RELN: variants seen among roughly 807,000 people sequenced by gnomAD.
RELN encodes the protein reelin.
RELN carries 108 observed loss-of-function variants against 427.6 expected under a neutral mutation model. The ratio of observed to expected loss-of-function variants is 0.25; its 90% confidence interval spans 0.22 to 0.30. RELN has a LOEUF of 0.30. Among genes scored for constraint, RELN ranks in the 10% least tolerant of loss-of-function variants. The probability of loss-of-function intolerance (pLI) is 1.00; values close to 1 mark genes in which losing one functional copy is unlikely to be tolerated. For missense variants in RELN, 3,715 were observed against 4,302.8 expected (o/e 0.86, Z 3.82); for synonymous variants, 1,524 against 1,513.4 (o/e 1.01, Z -0.16).
At chr7:103,877,977 T>C (rs549933974) in intron 2 of RELN, among the ~76,000 whole-genome samples, 1 of 150,406 alleles carries the variant, frequency 6.6e-6, no homozygotes, top group African/African-American at 2.4e-5. Context: ...TGCCTCAGCC[T>C]CCCAAATGGC....
At chr7:103,690,691 G>T (rs1206184729) in intron 10 of RELN, among the ~76,000 whole-genome samples, 1 of 152,142 alleles carries the variant, frequency 6.6e-6, no homozygotes, top group Non-Finnish European at 1.5e-5. Context: ...TTTGCTGAGT[G>T]CATGAGCTGC....
chr7:103,493,440 C>G (rs899059579), intron 57 of RELN, among the ~76,000 whole-genome samples: 2 of 152,162 alleles, frequency 1.3e-5, no homozygotes, highest in Non-Finnish European at 2.9e-5. Context: ...TAGACACATT[C>G]AGTTGAGGTG....
At chr7:103,853,316 T>C (rs1793868798) in intron 2 of RELN, among the ~76,000 whole-genome samples, 1 of 152,060 alleles carries the variant, frequency 6.6e-6, no homozygotes, top group Non-Finnish European at 1.5e-5. Flanking sequence ...AAAATGTAAA[T>C]TTAATTTTGT....
chr7:103,822,542 C>T (rs1793039852), intron 3 of RELN, among the ~76,000 whole-genome samples: 1 of 152,028 alleles, frequency 6.6e-6, no homozygotes, highest in African/African-American at 2.4e-5. Context: ...AATTCTATAA[C>T]ATAATCTTCT....
chr7:103,789,960 T>A (rs1792117750), intron 3 of RELN, among the ~76,000 whole-genome samples: 1 of 152,094 alleles, frequency 6.6e-6, no homozygotes, highest in African/African-American at 2.4e-5. Flanking sequence ...TTAGACTGGA[T>A]AAAGAAAATG....
At chr7:103,517,263 C>A (rs1477953308) in intron 49 of RELN, among the ~76,000 whole-genome samples, 1 of 119,250 alleles carries the variant, frequency 8.4e-6, no homozygotes, top group Non-Finnish European at 1.6e-5. Context: ...TATCCGAAAT[C>A]TGTCAGTTTC....
rs1462369530 is a variant in RELN at position 103,520,954 on chromosome 7, G to GTTTTTTTTTTTTTTTT, written c.7668+1067_7668+1068insAAAAAAAAAAAAAAAA. On this transcript the variant is annotated intron_variant, in intron 48 of 64. Coordinates refer to ENST00000428762, the MANE Select transcript of RELN (RefSeq NM_005045.4). Reference sequence around the variant, plus strand: ...GAAATAAAGAGCTGGCAGTAAATTTGTTATTTTTTTTTTTTTTTTTTTTTT... The same window carrying GTTTTTTTTTTTTTTTT: ...GAAATAAAGAGCTGGCAGTAAATTTGTTTTTTTTTTTTTTTTTTATTTTTTTTTTTTTTTTTTTTTT... 5.1e-5 allele frequency among the ~76,000 whole-genome samples: 4 copies of GTTTTTTTTTTTTTTTT among 78,204 alleles called. 1 individual carries two copies. The highest frequency in any genetic ancestry group is 4.6e-4 in the South Asian group (1 of 2,174). The allele number at this position is 78,204 out of a possible 152,430, so 51.3% of individuals were successfully genotyped here. A position where few individuals can be genotyped will look rare whatever the true frequency, so the allele number is the denominator to read the frequency against.
At chr7:103,596,311 C>A (rs1831535858) in intron 25 of RELN, 145 bp downstream of exon 25, 2 of 716,772 alleles carry the variant, frequency 2.8e-6, no homozygotes, top group Non-Finnish European at 5.0e-6. Flanking sequence ...GAAATAAAAT[C>A]TTTATATACT....
intron 56 of RELN, among the ~76,000 whole-genome samples, chr7:103,496,199 C>A (rs1477878919): frequency 1.3e-5 from 2 of 152,130 alleles, no homozygotes; most frequent in Non-Finnish European, 2.9e-5. Context: ...GTTCTTGATA[C>A]ACTTTGTCAG....
chr7:103,885,048 T>C lies in RELN; in HGVS notation c.337+32027A>G, dbSNP rs75154255. Among the ~76,000 whole-genome samples, 605 of 152,216 alleles carry C rather than the reference T, an allele frequency of 4.0e-3. 23 individuals are homozygous for C. The East Asian group carries it at 0.073, about 18-fold the overall frequency. ...AACCAACCCAAATGCTCATCAATGA[T>C]AGACTGGATAGGCAGGCATAGTGGC... is the stretch of plus-strand genomic sequence containing the variant. On this transcript the variant is annotated intron_variant, in intron 2 of 64. Coordinates refer to ENST00000428762, the MANE Select transcript of RELN (RefSeq NM_005045.4).
intron 10 of RELN, among the ~76,000 whole-genome samples, chr7:103,684,267 G>A (rs1024202040): frequency 6.6e-6 from 1 of 152,138 alleles, no homozygotes; most frequent in Non-Finnish European, 1.5e-5. Context: ...AGAATTTCAT[G>A]TTAATTCTGT....
chr7:103,897,780 C>T (rs368873251), intron 2 of RELN, among the ~76,000 whole-genome samples: 5 of 151,914 alleles, frequency 3.3e-5, no homozygotes, highest in Admixed American at 6.6e-5. Context: ...ATGTGGCTTA[C>T]GTAACAAAAT....
At position 103,540,201 on chromosome 7, in the gene RELN, T is replaced by C; in HGVS notation, c.6926A>G (p.Asp2309Gly). The change falls in exon 44 of 65, where the codon GAT (aspartate) becomes GGT (glycine). Residue 2309 changes from aspartate (D) to glycine (G), a missense_variant. Asp to Gly is a moderately conservative substitution (Grantham distance 94). Coordinates refer to ENST00000428762, the MANE Select transcript of RELN (RefSeq NM_005045.4). ...GTTAATCCTGAAGGGACTGACCTGATCGATAACCCAGGGGCTGTAGAAGTG... is the reference window on the plus strand; with the variant it reads ...GTTAATCCTGAAGGGACTGACCTGACCGATAACCCAGGGGCTGTAGAAGTG... ...NGHFYSPWVI[D>G]QILIGGNISG... 1 of 1,614,168 alleles carries C rather than the reference T, an allele frequency of 6.2e-7. No individual in the cohort carries two copies. The highest frequency in any genetic ancestry group is 8.5e-7 in the Non-Finnish European group (1 of 1,180,032).
At chr7:103,690,495 G>C (rs1021362561) in intron 10 of RELN, among the ~76,000 whole-genome samples, 3 of 152,136 alleles carry the variant, frequency 2.0e-5, no homozygotes, top group African/African-American at 7.2e-5. Context: ...AACTGCAGAT[G>C]ATGAGCTGAT....
At chr7:103,957,395 G>A (rs1334317565) in intron 1 of RELN, among the ~76,000 whole-genome samples, 1 of 152,120 alleles carries the variant, frequency 6.6e-6, no homozygotes, top group Non-Finnish European at 1.5e-5. Flanking sequence ...AATTCTAAGG[G>A]AGTTGACTCA....
intron 48 of RELN, among the ~76,000 whole-genome samples, chr7:103,520,954 GTTATTTTTTTTTT>G (rs1829687545): frequency 2.6e-5 from 2 of 78,216 alleles, no homozygotes; most frequent in South Asian, 4.6e-4. Flanking sequence ...CAGTAAATTT[GTTATTTTTTTTTT>G]TTTTTTTTTT....
rs371529135 is a variant in RELN at position 103,652,681 on chromosome 7, G to A, written c.1633C>T (p.His545Tyr). 2 of 1,612,956 alleles carry A rather than the reference G, an allele frequency of 1.2e-6. No individual in the cohort carries two copies. Among genetic ancestry groups the A allele is most frequent in the Non-Finnish European group, 1.7e-6 (2 of 1,179,308 alleles). ...ATKFCLRQKN[H>Y]QGHNRNVWAV... Reference sequence around the variant, plus strand: ...CAGACATTCCTATTATGTCCTTGATGGTTCTTTTGCCTGAGACAAAATTTG... The same window carrying A: ...CAGACATTCCTATTATGTCCTTGATAGTTCTTTTGCCTGAGACAAAATTTG... The change falls in exon 14 of 65, where the codon CAT (histidine) becomes TAT (tyrosine). Residue 545 changes from histidine to tyrosine, a missense_variant. Transcript: ENST00000428762.
At chr7:103,542,081 G>C (rs574806620) in intron 43 of RELN, among the ~76,000 whole-genome samples, 1 of 152,236 alleles carries the variant, frequency 6.6e-6, no homozygotes, top group Middle Eastern at 3.4e-3. Flanking sequence ...TCCTTGTTAA[G>C]TTTTCGGCCC....
intron 55 of RELN, among the ~76,000 whole-genome samples, chr7:103,496,977 G>A (rs1161919977): frequency 6.6e-6 from 1 of 152,158 alleles, no homozygotes; most frequent in Non-Finnish European, 1.5e-5. Context: ...TATTTCGAAA[G>A]AGTTGGCCAA....
Sources: gnomAD v4.1 joint callset for allele counts (sites outside exome capture counted in the v4.1 genomes callset) on GRCh38, gnomAD v4.1.1 for gene constraint, MANE v1.5 for transcripts, NCBI Gene and HGNC (gene_info 2026-07-23, HGNC 2026-07-21) for gene names.